The following ANXA2 variants were observed in gnomAD, a reference collection of about 807,000 sequenced individuals.
ANXA2 encodes the protein annexin A2.
ANXA2 carries 28 observed loss-of-function variants against 47.3 expected under a neutral mutation model. The observed-to-expected ratio is 0.59, with a 90% confidence interval of 0.44 to 0.81. The LOEUF (loss-of-function observed/expected upper bound fraction) is 0.81, where lower values mean the gene tolerates loss of function less well. Among genes scored for constraint, ANXA2 ranks in the 40% least tolerant of loss-of-function variants. The pLI is 0.00. For missense variants in ANXA2, 384 were observed against 414.3 expected, an observed-to-expected ratio of 0.93 and a Z score of 0.64; for synonymous variants, 172 against 155.5, an observed-to-expected ratio of 1.11 and a Z score of -0.79.
In ANXA2 at chr15:60,366,429, T is replaced by G. The variant is rs995067852; in HGVS notation, c.149-1906A>C. On this transcript the variant is annotated intron_variant, in intron 3 of 12. Transcript: ENST00000451270. ...CATCTCTGCGCGGCCGCCCATCGTC[T>G]GAGATGTGGGGAGCACCTCTGCCCC... Among the ~76,000 whole-genome samples the G allele has an allele frequency of 9.0e-4, 135 of 149,852 alleles. 1 individual carries two copies. The highest frequency in any genetic ancestry group is 3.3e-3 in the African/African-American group (132 of 40,486).
intron 10 of ANXA2, 21 bp downstream of exon 10, chr15:60,351,703 A>T (rs1896018581): frequency 2.0e-6 from 3 of 1,506,034 alleles, no homozygotes; most frequent in Non-Finnish European, 9.2e-7. Flanking sequence ...TCTACCAGGA[A>T]TGGGGGCCAC....
chr15:60,358,349 G>T (rs1271877758), intron 5 of ANXA2, among the ~76,000 whole-genome samples: 2 of 152,138 alleles, frequency 1.3e-5, no homozygotes. Context: ...CATGATCAAA[G>T]TCAAGATTTA....
At chr15:60,393,304 GGA>G in intron 1 of ANXA2, 1 of 1,002,286 alleles carries the variant, frequency 1.0e-6, no homozygotes, top group Non-Finnish European at 1.2e-6. Context: ...TGGAGTGGGT[GGA>G]AAGAGACCGG....
intron 1 of ANXA2, chr15:60,393,644 T>A: frequency 3.0e-6 from 3 of 985,446 alleles, no homozygotes; most frequent in African/African-American, 1.7e-5. Flanking sequence ...TTAGCTGACA[T>A]CTGAATGAGT....
At chr15:60,354,523 G>A (rs1457662543) in intron 7 of ANXA2, among the ~76,000 whole-genome samples, 2 of 151,408 alleles carry the variant, frequency 1.3e-5, no homozygotes, top group Non-Finnish European at 2.9e-5. Flanking sequence ...CCAGCTACTC[G>A]GGAGGCTGAG....
At chr15:60,385,934 T>G in intron 2 of ANXA2, 94 bp downstream of exon 2, 1 of 777,742 alleles carries the variant, frequency 1.3e-6, no homozygotes, top group Non-Finnish European at 2.1e-6. Context: ...ATTGTCCCCA[T>G]CTTCCTTAGA....
At chr15:60,385,782 A>G in intron 2 of ANXA2, 1 of 429,232 alleles carries the variant, frequency 2.3e-6, no homozygotes, top group Non-Finnish European at 4.2e-6. Context: ...ATAAAATTCC[A>G]GCCATTCCAG....
At chr15:60,364,560 A>T (rs1464981735) in intron 3 of ANXA2, 37 bp from the exon 4 acceptor site, 1 of 1,534,884 alleles carries the variant, frequency 6.5e-7, no homozygotes, top group South Asian at 1.2e-5. Context: ...TACTCAGTAT[A>T]CTCTAGTATT....
chr15:60,364,558 A>T (rs1413532019), intron 3 of ANXA2, 35 bp from the exon 4 acceptor site: 1 of 1,536,742 alleles, frequency 6.5e-7, no homozygotes, highest in Admixed American at 2.0e-5. Context: ...GTTACTCAGT[A>T]TACTCTAGTA....
In ANXA2 at chr15:60,352,091, T is replaced by C. The variant is rs113454137; in HGVS notation, c.683-272A>G. Reference sequence around the variant, plus strand: ...TGGAACCCATTCCATCCGAAAACCATAGGAAACAGTACAGAGCATGCACCA... The same window carrying C: ...TGGAACCCATTCCATCCGAAAACCACAGGAAACAGTACAGAGCATGCACCA... On this transcript the variant is annotated intron_variant, in intron 9 of 12. Transcript: ENST00000451270. The surrounding 1 kb of genome is among the most constrained non-coding windows in gnomAD (Gnocchi z 4.2). Among the ~76,000 whole-genome samples, 3,621 of 152,080 alleles carry C rather than the reference T, an allele frequency of 0.024. 70 individuals carry two copies. The highest frequency in any genetic ancestry group is 0.081 in the East Asian group (417 of 5,176).
Position 60,382,331 on chromosome 15 carries a change from G to T in ANXA2, c.148+11C>A. 2 of 1,604,988 alleles carry T rather than the reference G, an allele frequency of 1.2e-6. No individual in the cohort carries two copies. Among genetic ancestry groups the T allele is most frequent in the Non-Finnish European group, 1.7e-6 (2 of 1,171,852 alleles). Reference sequence around the variant, plus strand: ...AGACCCTGACAAGAAGAGGACAAATGTATCACCTACCTTTGGTCTTGATGG... The same window carrying T: ...AGACCCTGACAAGAAGAGGACAAATTTATCACCTACCTTTGGTCTTGATGG... On this transcript the variant is annotated intron_variant, in intron 3 of 12. Transcript: ENST00000451270.
intron 1 of ANXA2, among the ~76,000 whole-genome samples, chr15:60,388,433 G>A (rs990586630): frequency 7.9e-5 from 12 of 151,618 alleles, no homozygotes; most frequent in Middle Eastern, 3.4e-3. Context: ...GGCTGGTCTC[G>A]AACTCCTAGC....
rs118128616 is a variant in ANXA2 at position 60,349,693 on chromosome 15, A to G, written c.838-496T>C. ...AACACTACTTGTTTCCCAAAAACCT[A>G]TAAGAAAGGAAAGACAGAGAGAGAG... On this transcript the variant is annotated intron_variant, in intron 11 of 12. Coordinates refer to ENST00000451270, the MANE Select transcript of ANXA2 (RefSeq NM_004039.3). Among the ~76,000 whole-genome samples, 27 of 151,486 alleles carry G rather than the reference A, an allele frequency of 1.8e-4. No individual in the cohort carries two copies. The East Asian group carries it at 5.3e-3, about 30-fold the overall frequency.
chr15:60,380,457 T>A (rs1343499489), intron 3 of ANXA2, among the ~76,000 whole-genome samples: 1 of 145,152 alleles, frequency 6.9e-6, no homozygotes, highest in African/African-American at 2.6e-5. Context: ...ATTTTCTGAG[T>A]AGTAACTTTT....
At chr15:60,355,060 C>G (rs1339628105) in intron 7 of ANXA2, among the ~76,000 whole-genome samples, 1 of 152,138 alleles carries the variant, frequency 6.6e-6, no homozygotes, top group East Asian at 1.9e-4. Flanking sequence ...GATGGCACAG[C>G]ACGCTCTCAG....
At chr15:60,397,806 C>A in intron 1 of ANXA2, 137 bp downstream of exon 1, 2 of 1,323,128 alleles carry the variant, frequency 1.5e-6, no homozygotes, top group Non-Finnish European at 1.9e-6. Flanking sequence ...GCCGGCCGTC[C>A]CTTCAGCCCC....
chr15:60,379,693 G>A (rs999495465), intron 3 of ANXA2, among the ~76,000 whole-genome samples: 4 of 152,206 alleles, frequency 2.6e-5, no homozygotes, highest in African/African-American at 7.2e-5. Flanking sequence ...TAAGATGAAT[G>A]TTCCTGAAGT....
chr15:60,397,884 G>A, intron 1 of ANXA2, 59 bp downstream of exon 1: 1 of 1,375,650 alleles, frequency 7.3e-7, no homozygotes, highest in Non-Finnish European at 9.4e-7. Flanking sequence ...TCTTCCCAGC[G>A]TCTCCACACC....
chr15:60,357,272 T>C (rs905362533), intron 5 of ANXA2, 36 bp from the exon 6 acceptor site: 2 of 1,567,358 alleles, frequency 1.3e-6, no homozygotes, highest in Non-Finnish European at 1.8e-6. Context: ...AGCAGGGAAA[T>C]GCTTCCCCAC....
Sources: gnomAD v4.1 joint callset for allele counts (sites outside exome capture counted in the v4.1 genomes callset) on GRCh38, gnomAD v4.1.1 for gene constraint, Gnocchi (gnomAD v3.1) non-coding constraint, MANE v1.5 for transcripts, NCBI Gene and HGNC (gene_info 2026-07-23, HGNC 2026-07-21) for gene names.